Variants in WDR37 observed in about 807,000 individuals in gnomAD.
WDR37 encodes the protein WD repeat-containing protein 37.
WDR37 carries 19 observed loss-of-function variants against 62.9 expected under a neutral mutation model. That is an observed-to-expected ratio of 0.30 (90% CI 0.21 to 0.44). WDR37 has a LOEUF of 0.44. Among genes scored for constraint, WDR37 ranks in the 20% least tolerant of loss-of-function variants. The probability of loss-of-function intolerance (pLI) is 1.00; values close to 1 mark genes in which losing one functional copy is unlikely to be tolerated. For synonymous variants in WDR37, 250 were observed against 260.9 expected (o/e 0.96, Z 0.40); for missense variants, 474 against 657.6 (o/e 0.72, Z 3.05).
chr10:1,108,973 G>C (rs1348318112), intron 11 of WDR37, among the ~76,000 whole-genome samples: 6 of 152,242 alleles, frequency 3.9e-5, no homozygotes, highest in Non-Finnish European at 8.8e-5. Context: ...AGGCCAGTGT[G>C]CCCTGCTGTG....
rs538979149 is a variant in WDR37 at position 1,064,305 on chromosome 10, G to A, written c.-41+7337G>A. 3.3e-5 allele frequency among the ~76,000 whole-genome samples: 5 copies of A among 152,242 alleles called. 1 individual carries two copies. The highest frequency in any genetic ancestry group is 1.9e-4 in the East Asian group (1 of 5,174). ...AAAGTGAGCAGAGCCTCAGGGGCCC[G>A]TGGGACTTTAACAGAAGATGCAACA... On this transcript the variant is annotated intron_variant, in intron 1 of 13. Coordinates refer to ENST00000263150, the MANE Select transcript of WDR37 (RefSeq NM_014023.4).
Position 1,072,305 on chromosome 10 carries a change from T to G in WDR37, c.138+12T>G, listed in dbSNP as rs752384383. ...TGTTAGAAGGACAAGTAAGCTACGA[T>G]TGATTAGGGCCTTATTGATTGATTG... On this transcript the variant is annotated intron_variant, in intron 2 of 13. Transcript: ENST00000263150. 2.5e-6 allele frequency: 4 copies of G among 1,613,134 alleles called. No homozygotes were observed. The South Asian group carries it at 4.4e-5, about 18-fold the overall frequency.
rs1417891484 is a variant in WDR37 at position 1,130,694 on chromosome 10, G to A, written c.*1350G>A. ...GGAAGGTAATATTTACAGCTGTCAT[G>A]TGACATCCCCAGGTCTTTGTGTTTT... On this transcript the variant is annotated 3_prime_UTR_variant, in exon 14 of 14. Transcript: ENST00000263150. 6.6e-6 allele frequency: 1 copy of A among 152,308 alleles called. No individual in the cohort carries two copies. Among genetic ancestry groups the A allele is most frequent in the East Asian group, 1.9e-4 (1 of 5,202 alleles). The allele number at this position is 152,308 out of a possible 1,614,324, so 9.4% of individuals were successfully genotyped here.
In WDR37 at chr10:1,065,639, G is replaced by GCAC. The variant is rs1833515238; in HGVS notation, c.-40-6477_-40-6476insCAC. Among the ~76,000 whole-genome samples the GCAC allele has an allele frequency of 4.6e-5, 7 of 151,814 alleles. No homozygotes were observed. The South Asian group carries it at 1.5e-3, about 31-fold the overall frequency. On this transcript the variant is annotated intron_variant, in intron 1 of 13. Transcript: ENST00000263150. ...ACATGATAGAATTCAGCACTCATTCGTGAAAGAAACTCAGAAAATGAATGA... is the reference window on the plus strand; with the variant it reads ...ACATGATAGAATTCAGCACTCATTCGCACTGAAAGAAACTCAGAAAATGAATGA...
intron 13 of WDR37, among the ~76,000 whole-genome samples, chr10:1,126,611 G>T (rs1288097434): frequency 2.6e-5 from 4 of 152,178 alleles, no homozygotes; most frequent in Non-Finnish European, 5.9e-5. Flanking sequence ...AGCTTGGGTG[G>T]CCCCCTCAGT....
At chr10:1,083,213 T>C (rs1038595248) in intron 5 of WDR37, among the ~76,000 whole-genome samples, 2 of 152,254 alleles carry the variant, frequency 1.3e-5, no homozygotes, top group African/African-American at 4.8e-5. Context: ...AGGATATTAG[T>C]GTTCAGAAAG....
chr10:1,069,595 A>G (rs1011789538), intron 1 of WDR37, among the ~76,000 whole-genome samples: 3 of 151,870 alleles, frequency 2.0e-5, no homozygotes, highest in Non-Finnish European at 4.4e-5. Context: ...TCTCAAAATG[A>G]CAAAATTGTA....
chr10:1,073,131 A>G (rs2131616254), intron 2 of WDR37, among the ~76,000 whole-genome samples: 1 of 152,308 alleles, frequency 6.6e-6, no homozygotes, highest in South Asian at 2.1e-4. Context: ...ATTCTGTCAG[A>G]ATTTTTAAAG....
intron 2 of WDR37, among the ~76,000 whole-genome samples, chr10:1,075,355 A>G (rs1165890839): frequency 1.3e-5 from 2 of 150,332 alleles, no homozygotes; most frequent in African/African-American, 2.5e-5. Context: ...GTAGGTATAC[A>G]TGTGCCAAGG....
intron 6 of WDR37, among the ~76,000 whole-genome samples, chr10:1,085,222 T>G (rs1834163831): frequency 6.6e-6 from 1 of 152,194 alleles, no homozygotes; most frequent in African/African-American, 2.4e-5. Context: ...TCTGCCTGCC[T>G]TGGGCTCCCA....
chr10:1,088,828 A>C (rs900602954), intron 7 of WDR37, among the ~76,000 whole-genome samples: 1 of 152,228 alleles, frequency 6.6e-6, no homozygotes, highest in African/African-American at 2.4e-5. Flanking sequence ...CAAACCCTCA[A>C]TTTGTAAAAA....
intron 9 of WDR37, among the ~76,000 whole-genome samples, chr10:1,102,072 C>G (rs995115814): frequency 4.9e-5 from 7 of 141,778 alleles, no homozygotes; most frequent in African/African-American, 1.9e-4. Flanking sequence ...GTCCATGTGA[C>G]ATGTTTCCGT....
chr10:1,072,631 AG>A (rs1350736560), intron 2 of WDR37, among the ~76,000 whole-genome samples: 1 of 152,208 alleles, frequency 6.6e-6, no homozygotes, highest in Non-Finnish European at 1.5e-5. Context: ...CTTATTTTAA[AG>A]ATGGTGATTG....
chr10:1,069,432 T>C (rs577415884), intron 1 of WDR37, among the ~76,000 whole-genome samples: 44 of 140,658 alleles, frequency 3.1e-4, no homozygotes, highest in African/African-American at 1.2e-3. Flanking sequence ...GTTAAACAAA[T>C]GGTTAAATGT....
At chr10:1,086,786 T>G (rs1338728183) in intron 7 of WDR37, among the ~76,000 whole-genome samples, 2 of 151,336 alleles carry the variant, frequency 1.3e-5, no homozygotes, top group Non-Finnish European at 2.9e-5. Flanking sequence ...GTGAATGCTG[T>G]CCACGTAGTT....
chr10:1,128,796 C>T (rs549051400), intron 13 of WDR37, among the ~76,000 whole-genome samples: 1 of 152,264 alleles, frequency 6.6e-6, no homozygotes, highest in East Asian at 1.9e-4. Context: ...GTCCTGGCGG[C>T]TCTGCCGTGC....
chr10:1,114,113 T>C (rs1365057173), intron 11 of WDR37, among the ~76,000 whole-genome samples: 1 of 151,992 alleles, frequency 6.6e-6, no homozygotes, highest in Non-Finnish European at 1.5e-5. Context: ...CCTGCCACCA[T>C]GCCTGGCTAA....
intron 9 of WDR37, among the ~76,000 whole-genome samples, chr10:1,097,896 G>A (rs1365489829): frequency 6.6e-6 from 1 of 152,182 alleles, no homozygotes; most frequent in Non-Finnish European, 1.5e-5. Flanking sequence ...ACGGCTGGAG[G>A]GGAGCTCAGC....
chr10:1,057,541 T>C (rs148346775), intron 1 of WDR37, among the ~76,000 whole-genome samples: 167 of 152,244 alleles, frequency 1.1e-3, no homozygotes, highest in African/African-American at 3.7e-3. Flanking sequence ...CGCCATGATA[T>C]TGTTCCCCTT....
Sources: allele counts gnomAD v4.1 joint callset (sites outside exome capture counted in the v4.1 genomes callset), GRCh38; gene constraint gnomAD v4.1.1; transcripts MANE v1.5; gene names NCBI Gene and HGNC (gene_info 2026-07-23, HGNC 2026-07-21).